Variants in STXBP5L observed in about 807,000 individuals in gnomAD.
STXBP5L encodes syntaxin binding protein 5L.
In STXBP5L, 65 loss-of-function variants were observed where a neutral mutation model predicts 144.5. The observed-to-expected ratio is 0.45, with a 90% CI of 0.37 to 0.55. The LOEUF is 0.55. STXBP5L is among the 20% of genes least tolerant of loss of function. The pLI is 0.00. For synonymous variants in STXBP5L, 505 were observed against 469.6 expected (o/e 1.08, Z -0.97); for missense variants, 1,298 against 1,405.5 (o/e 0.92, Z 1.22).
chr3:121,054,147 T>A (rs1216954409), intron 5 of STXBP5L, among the ~76,000 whole-genome samples: 1 of 152,240 alleles, frequency 6.6e-6, no homozygotes, highest in East Asian at 1.9e-4. Context: ...TTGGTGGGAC[T>A]GTAATCTAGT....
At chr3:121,400,329 G>T (rs555279193) in intron 22 of STXBP5L, among the ~76,000 whole-genome samples, 1 of 152,158 alleles carries the variant, frequency 6.6e-6, no homozygotes, top group Non-Finnish European at 1.5e-5. Context: ...TCGGGGTCAG[G>T]CACATGCCTG....
At chr3:121,009,802 A>T (rs938072011) in intron 3 of STXBP5L, among the ~76,000 whole-genome samples, 7 of 151,768 alleles carry the variant, frequency 4.6e-5, no homozygotes, top group African/African-American at 9.7e-5. Flanking sequence ...TTTCTAGATC[A>T]TCTATTTAGT....
At chr3:121,414,784 G>A (rs1350533911) in intron 24 of STXBP5L, among the ~76,000 whole-genome samples, 1 of 152,164 alleles carries the variant, frequency 6.6e-6, no homozygotes, top group African/African-American at 2.4e-5. Context: ...TTTATCCCAA[G>A]GGCAGTGGTC....
At chr3:121,049,504 C>G (rs1947784106) in intron 5 of STXBP5L, 1 of 154,272 alleles carries the variant, frequency 6.5e-6, no homozygotes. Flanking sequence ...AGTACACTCC[C>G]CAGCCTGAGG....
intron 3 of STXBP5L, among the ~76,000 whole-genome samples, chr3:121,027,327 C>T (rs1404289246): frequency 6.6e-6 from 1 of 151,826 alleles, no homozygotes; most frequent in African/African-American, 2.4e-5. Context: ...AAAAAGTCAC[C>T]CCCGTGGGAT....
intron 19 of STXBP5L, among the ~76,000 whole-genome samples, chr3:121,302,343 A>G (rs528454672): frequency 7.5e-4 from 114 of 152,304 alleles, no homozygotes; most frequent in African/African-American, 2.6e-3. Context: ...AGGTGTTTAT[A>G]GTATTCTCTG....
Position 121,343,717 on chromosome 3 carries a change from A to G in STXBP5L, c.2176+25177A>G, listed in dbSNP as rs537646761. On this transcript the variant is annotated intron_variant, in intron 20 of 26. Coordinates refer to ENST00000471454, the MANE Select transcript of STXBP5L (RefSeq NM_001308330.2). ...GGACGTGAAGGACCTCTTCAAGGAG[A>G]ACTACAAATCACTGCTCAAGGAAAT... Among the ~76,000 whole-genome samples the G allele has an allele frequency of 7.3e-4, 111 of 152,254 alleles. 1 individual carries two copies. Among genetic ancestry groups the G allele is most frequent in the African/African-American group, 2.6e-3 (107 of 41,538 alleles).
chr3:120,997,789 C>T (rs930860171), intron 3 of STXBP5L, among the ~76,000 whole-genome samples: 2 of 152,058 alleles, frequency 1.3e-5, no homozygotes, highest in African/African-American at 4.8e-5. Context: ...AAGAAAACTT[C>T]AGGTCAATAT....
rs1318905692 is a variant in STXBP5L at position 121,147,988 on chromosome 3, G to C, written c.670-4489G>C. Among the ~76,000 whole-genome samples the C allele has an allele frequency of 3.3e-5, 5 of 151,968 alleles. No individual in the cohort carries two copies. In the East Asian group the frequency reaches 9.7e-4, roughly 29 times the overall value. ...CCTGGTTCTCAGGTCTTCAGACTCA[G>C]ACTGGCACACCATCAGCTCTCCTGG... On this transcript the variant is annotated intron_variant, in intron 7 of 26. Coordinates refer to ENST00000471454, the MANE Select transcript of STXBP5L (RefSeq NM_001308330.2).
chr3:121,352,597 T>C (rs958495463), intron 20 of STXBP5L, among the ~76,000 whole-genome samples: 3 of 151,938 alleles, frequency 2.0e-5, no homozygotes, highest in African/African-American at 7.3e-5. Flanking sequence ...GACAATGGGG[T>C]TTTCTAAATA....
intron 5 of STXBP5L, among the ~76,000 whole-genome samples, chr3:121,050,921 C>T (rs900641778): frequency 2.6e-5 from 4 of 152,210 alleles, no homozygotes; most frequent in Admixed American, 2.6e-4. Context: ...CAAAAAAAAG[C>T]AGGGGTTGCA....
At chr3:121,133,026 G>T (rs1471493197) in intron 7 of STXBP5L, among the ~76,000 whole-genome samples, 2 of 152,116 alleles carry the variant, frequency 1.3e-5, no homozygotes, top group Non-Finnish European at 2.9e-5. Context: ...GTGTATTATA[G>T]AAGATCCATA....
intron 19 of STXBP5L, among the ~76,000 whole-genome samples, chr3:121,308,267 T>A (rs1439665699): frequency 1.3e-5 from 2 of 152,134 alleles, no homozygotes; most frequent in Non-Finnish European, 2.9e-5. Flanking sequence ...AAAATAAAAT[T>A]AAATTTTTAA....
chr3:121,257,784 G>T (rs1441569940), intron 17 of STXBP5L, among the ~76,000 whole-genome samples: 1 of 152,078 alleles, frequency 6.6e-6, no homozygotes, highest in Non-Finnish European at 1.5e-5. Context: ...AATTAACTGG[G>T]TGTGATGGTA....
chr3:121,281,636 A>G (rs1423389483), intron 19 of STXBP5L, among the ~76,000 whole-genome samples: 2 of 152,036 alleles, frequency 1.3e-5, no homozygotes, highest in Admixed American at 1.3e-4. Flanking sequence ...CAAAAAAAGT[A>G]CATAATTTGA....
chr3:121,400,301 G>T (rs1327350755), intron 22 of STXBP5L, among the ~76,000 whole-genome samples: 1 of 152,162 alleles, frequency 6.6e-6, no homozygotes, highest in Non-Finnish European at 1.5e-5. Context: ...TTGGGGCCTG[G>T]AGTATACATA....
intron 20 of STXBP5L, among the ~76,000 whole-genome samples, chr3:121,350,705 T>C (rs977980346): frequency 6.6e-6 from 1 of 152,168 alleles, no homozygotes; most frequent in Non-Finnish European, 1.5e-5. Context: ...TTCATTTCAT[T>C]CATTTGATCT....
chr3:120,965,009 C>A (rs923223091), intron 3 of STXBP5L, among the ~76,000 whole-genome samples: 6 of 152,080 alleles, frequency 3.9e-5, no homozygotes, highest in Admixed American at 3.9e-4. Context: ...TGAATTGATC[C>A]CTTTACCATT....
intron 20 of STXBP5L, among the ~76,000 whole-genome samples, chr3:121,362,818 C>T (rs933321348): frequency 6.6e-6 from 1 of 152,100 alleles, no homozygotes; most frequent in African/African-American, 2.4e-5. Context: ...TGCCCCATAG[C>T]CACCACAGCT....
Sources: allele counts gnomAD v4.1 joint callset (sites outside exome capture counted in the v4.1 genomes callset), GRCh38; gene constraint gnomAD v4.1.1; transcripts MANE v1.5; gene names NCBI Gene and HGNC (gene_info 2026-07-23, HGNC 2026-07-21).